SPRY4: variants seen among roughly 807,000 people sequenced by gnomAD.
The protein encoded by SPRY4 is sprouty RTK signaling antagonist 4.
Under a neutral mutation model 17.0 loss-of-function variants are expected in SPRY4, and 7 were observed. The observed-to-expected ratio is 0.41, with a 90% confidence interval of 0.23 to 0.77. The LOEUF (loss-of-function observed/expected upper bound fraction) is 0.77, where lower values mean the gene tolerates loss of function less well. Among genes scored for constraint, SPRY4 ranks in the 30% least tolerant of loss-of-function variants. SPRY4 has a pLI of 0.32. For synonymous variants in SPRY4, 183 were observed against 174.1 expected (o/e 1.05, Z -0.40); for missense variants, 435 against 419.9 (o/e 1.04, Z -0.31).
intron 1 of SPRY4, among the ~76,000 whole-genome samples, chr5:142,323,328 AGT>A (rs949262624): frequency 7.9e-5 from 12 of 152,186 alleles, no homozygotes; most frequent in African/African-American, 2.9e-4. Flanking sequence ...TTTGGCCTCC[AGT>A]GTGTCTGGCC....
intron 1 of SPRY4, chr5:142,317,575 G>A: frequency 1.0e-6 from 1 of 984,868 alleles, no homozygotes; most frequent in East Asian, 1.1e-4. Flanking sequence ...GTCTGGTCAT[G>A]CTGTGGAAGA....
chr5:142,317,549 T>C, intron 1 of SPRY4: 1 of 985,096 alleles, frequency 1.0e-6, no homozygotes, highest in Non-Finnish European at 1.2e-6. Flanking sequence ...GTTTTGTCTC[T>C]CAGGACCAGG....
Position 142,314,452 on chromosome 5 carries a change from G to A in SPRY4, c.657C>T (p.Cys219=), listed in dbSNP as rs542372364. 5.6e-6 allele frequency: 9 copies of A among 1,614,142 alleles called. No individual in the cohort carries two copies. The East Asian group carries it at 8.9e-5, about 16-fold the overall frequency. Residue 219 remains cysteine, a synonymous_variant, in exon 2 of 2, where the codon TGC becomes TGT. Coordinates refer to ENST00000434127, the MANE Select transcript of SPRY4 (RefSeq NM_001127496.3). This position sits in a 1 kb window ranked among gnomAD's most constrained non-coding sequence, Gnocchi z 4.8. ...GGGAGCAGGAGCAGGGGTGGTCAGC[G>A]CAGGAGCCCTCATCGTCCTCATTCG... The part of the protein sequence containing the change: ...HCTNEDDEGS[C]ADHPCSCSRS...
At chr5:142,321,337 G>A (rs10223067) in intron 1 of SPRY4, among the ~76,000 whole-genome samples, 2,393 of 152,328 alleles carry the variant, frequency 0.016, 75 homozygotes, top group African/African-American at 0.055. Context: ...AGATGGGGAA[G>A]CTAAGGCCAT....
At position 142,324,340 on chromosome 5, in the gene SPRY4, C is replaced by T. The variant is rs574948324; in HGVS notation, c.-48+504G>A. On this transcript the variant is annotated intron_variant, in intron 1 of 1. Transcript: ENST00000434127. ...ACGGCTCCGAAGAGAAAGAAAAAAT[C>T]TACGTCGAGCATAGGCCGCTACGGC... The T allele has an allele frequency of 3.9e-5, 6 of 152,408 alleles. No individual in the cohort carries two copies. In the East Asian group the frequency reaches 1.2e-3, roughly 29 times the overall value. The allele number at this position is 152,408 out of a possible 1,614,324, so 9.4% of individuals were successfully genotyped here. A position where few individuals can be genotyped will look rare whatever the true frequency, so the allele number is the denominator to read the frequency against.
At chr5:142,316,464 G>T (rs961750441) in intron 1 of SPRY4, among the ~76,000 whole-genome samples, 1 of 152,112 alleles carries the variant, frequency 6.6e-6, no homozygotes, top group Non-Finnish European at 1.5e-5. Context: ...TGGAATCCAA[G>T]GGAAAGATTA....
Position 142,314,914 on chromosome 5 carries a change from C to A in SPRY4, c.195G>T (p.Lys65Asn). Residue 65 changes from lysine to asparagine, a missense_variant, in exon 2 of 2, where the codon AAG becomes AAT. Lys to Asn is a moderately conservative substitution (Grantham distance 94). Transcript: ENST00000434127. This position sits in a 1 kb window ranked among gnomAD's most constrained non-coding sequence, Gnocchi z 4.8. ...GCTCTGGGGCCCCGCCCCGGGTCCG[C>A]TTTGGGCCGGTGGTCAGGGCCAGGC... Reference protein sequence around the residue: ...NPSLALTTGPKRTRGGAPELA... With the variant: ...NPSLALTTGPNRTRGGAPELA... 1 of 1,612,004 alleles carries A rather than the reference C, an allele frequency of 6.2e-7. No individual in the cohort carries two copies. The highest frequency in any genetic ancestry group is 8.5e-7 in the Non-Finnish European group (1 of 1,178,306).
chr5:142,322,488 A>ATATATG lies in SPRY4; in HGVS notation c.-48+2355_-48+2356insCATATA, dbSNP rs1561654577. 3.5e-5 allele frequency among the ~76,000 whole-genome samples: 4 copies of ATATATG among 112,720 alleles called. 1 individual carries two copies. Among genetic ancestry groups the ATATATG allele is most frequent in the Admixed American group, 3.5e-4 (4 of 11,402 alleles). The allele number at this position is 112,720 out of a possible 152,430, so 73.9% of individuals were successfully genotyped here. On this transcript the variant is annotated intron_variant, in intron 1 of 1. Coordinates refer to ENST00000434127, the MANE Select transcript of SPRY4 (RefSeq NM_001127496.3). ...TCGTCTCAAGAAAAAAAAAAAATAT[A>ATATATG]TATATATATATATAAATGAAAACGA...
chr5:142,310,527 C>T lies in SPRY4; in HGVS notation c.*3682G>A, dbSNP rs763670364. ...GTTTTTTTCTTCACAAACAGAAGAA[C>T]TCTTACAATAGTAGACTTTCTAAAA... On this transcript the variant is annotated 3_prime_UTR_variant, in exon 2 of 2. Transcript: ENST00000434127. 8 of 152,382 alleles carry T rather than the reference C, an allele frequency of 5.2e-5. No individual in the cohort carries two copies. Among genetic ancestry groups the T allele is most frequent in the Non-Finnish European group, 1.2e-4 (8 of 68,002 alleles). 9.4% of individuals were successfully genotyped at this position (152,382 alleles called of 1,614,324 possible).
Position 142,311,370 on chromosome 5 carries a change from G to C in SPRY4, c.*2839C>G, listed in dbSNP as rs1392377918. 2.0e-5 allele frequency: 3 copies of C among 152,200 alleles called. No individual in the cohort carries two copies. The highest frequency in any genetic ancestry group is 3.9e-4 in the East Asian group (2 of 5,178). The allele number at this position is 152,200 out of a possible 1,614,324, so 9.4% of individuals were successfully genotyped here. ...CCTACCCCAGGTTTACCAGGGGCGGGAACTAACCAGCACTTTTCAAAAAAG... is the reference window on the plus strand; with the variant it reads ...CCTACCCCAGGTTTACCAGGGGCGGCAACTAACCAGCACTTTTCAAAAAAG... On this transcript the variant is annotated 3_prime_UTR_variant, in exon 2 of 2. Coordinates refer to ENST00000434127, the MANE Select transcript of SPRY4 (RefSeq NM_001127496.3).
intron 1 of SPRY4, among the ~76,000 whole-genome samples, chr5:142,322,543 C>A (rs1446421855): frequency 6.6e-6 from 1 of 151,450 alleles, no homozygotes. Flanking sequence ...TCCACCTGTC[C>A]ACAGCCTCTG....
rs547174965 is a variant in SPRY4 at position 142,315,132 on chromosome 5, C to T, written c.-24G>A. ...ATGGGGCTGGAGGTCCTGGACTGTA[C>T]GGAGAAACAGGCTTCTAGGGGCCCT... On this transcript the variant is annotated 5_prime_UTR_variant, in exon 2 of 2. Coordinates refer to ENST00000434127, the MANE Select transcript of SPRY4 (RefSeq NM_001127496.3). 1.5e-4 allele frequency: 234 copies of T among 1,591,444 alleles called. 1 individual carries two copies. Among genetic ancestry groups the T allele is most frequent in the Middle Eastern group, 6.7e-4 (4 of 5,996 alleles).
chr5:142,310,889 CG>C lies in SPRY4; in HGVS notation c.*3319del, dbSNP rs1248190878. 5 of 152,126 alleles carry C rather than the reference CG, an allele frequency of 3.3e-5. No homozygotes were observed. Among genetic ancestry groups the C allele is most frequent in the Non-Finnish European group, 5.9e-5 (4 of 68,030 alleles). The allele number at this position is 152,126 out of a possible 1,614,324, so 9.4% of individuals were successfully genotyped here. On this transcript the variant is annotated 3_prime_UTR_variant, in exon 2 of 2. Coordinates refer to ENST00000434127, the MANE Select transcript of SPRY4 (RefSeq NM_001127496.3). ...AGGCTCGCAGGATGCCCTAGTGAATCGTACAGTGTAGAGCTGTGCTGCCCAC... is the reference window on the plus strand; with the variant it reads ...AGGCTCGCAGGATGCCCTAGTGAATCTACAGTGTAGAGCTGTGCTGCCCAC...
intron 1 of SPRY4, chr5:142,317,717 C>T (rs1157389837): frequency 3.0e-6 from 3 of 984,704 alleles, no homozygotes; most frequent in Non-Finnish European, 3.6e-6. Context: ...TTTTAATAGG[C>T]CTTGGAATCA....
At position 142,315,149 on chromosome 5, in the gene SPRY4, A is replaced by C; in HGVS notation, c.-41T>G. 6.9e-7 allele frequency: 1 copy of C among 1,440,468 alleles called. No homozygotes were observed. Among genetic ancestry groups the C allele is most frequent in the Non-Finnish European group, 9.5e-7 (1 of 1,055,334 alleles). 89.2% of individuals were successfully genotyped at this position (1,440,468 alleles called of 1,614,324 possible). On this transcript the variant is annotated 5_prime_UTR_variant, in exon 2 of 2. The change abolishes the stop of an existing upstream ORF in the 5' untranslated region. Transcript: ENST00000434127. ...GGACTGTACGGAGAAACAGGCTTCT[A>C]GGGGCCCTGGGGGTGGGGTGGGGAA...
intron 1 of SPRY4, among the ~76,000 whole-genome samples, chr5:142,316,763 G>C (rs1047885565): frequency 6.6e-6 from 1 of 152,122 alleles, no homozygotes; most frequent in South Asian, 2.1e-4. Context: ...TAAAAAGGGG[G>C]CTATCCACGG....
At chr5:142,318,144 C>T (rs1759220820) in intron 1 of SPRY4, 4 of 984,662 alleles carry the variant, frequency 4.1e-6, no homozygotes, top group Non-Finnish European at 2.4e-6. Context: ...TTAAGAACCC[C>T]TCAGCACAGC....
rs867008628 is a variant in SPRY4 at position 142,310,670 on chromosome 5, G to A, written c.*3539C>T. On this transcript the variant is annotated 3_prime_UTR_variant, in exon 2 of 2. Coordinates refer to ENST00000434127, the MANE Select transcript of SPRY4 (RefSeq NM_001127496.3). The stretch of plus-strand genomic sequence containing the variant: ...GGGGGAAATGAAGTTGGGATGTGGC[G>A]GGGTGGGAGCCTCGAGCTTTTCTGT... 1.3e-5 allele frequency: 2 copies of A among 152,388 alleles called. No individual in the cohort carries two copies. Among genetic ancestry groups the A allele is most frequent in the Non-Finnish European group, 2.9e-5 (2 of 68,004 alleles). The allele number at this position is 152,388 out of a possible 1,614,324, so 9.4% of individuals were successfully genotyped here.
chr5:142,322,307 C>G (rs1410345232), intron 1 of SPRY4, among the ~76,000 whole-genome samples: 1 of 151,922 alleles, frequency 6.6e-6, no homozygotes, highest in Admixed American at 6.6e-5. Flanking sequence ...CCTGTCTCTA[C>G]TAAAAATACA....
Sources: gnomAD v4.1 joint callset for allele counts (sites outside exome capture counted in the v4.1 genomes callset) on GRCh38, gnomAD v4.1.1 for gene constraint, Gnocchi (gnomAD v3.1) non-coding constraint, MANE v1.5 for transcripts, NCBI Gene and HGNC (gene_info 2026-07-23, HGNC 2026-07-21) for gene names.